The following BCAS3 variants were observed in gnomAD, a reference collection of about 807,000 sequenced individuals.
BCAS3 encodes BCAS4/BCAS3 fusion.
A neutral mutation model predicts 116.1 loss-of-function variants in BCAS3; 53 were observed. That is an observed-to-expected ratio of 0.46 (90% CI 0.37 to 0.57). The LOEUF (loss-of-function observed/expected upper bound fraction) is 0.57, where lower values mean the gene tolerates loss of function less well. Ranked by LOEUF, BCAS3 falls within the 20% of genes least tolerant of loss-of-function variation. The pLI, the probability that BCAS3 is intolerant of heterozygous loss-of-function variation, is 0.00. For missense variants in BCAS3, 917 were observed against 1,165.4 expected, an observed-to-expected ratio of 0.79 and a Z score of 3.10; for synonymous variants, 391 against 408.2, an observed-to-expected ratio of 0.96 and a Z score of 0.51.
At chr17:60,890,468 A>AT (rs1241655998) in intron 10 of BCAS3, among the ~76,000 whole-genome samples, 2 of 152,188 alleles carry the variant, frequency 1.3e-5, no homozygotes, top group Non-Finnish European at 2.9e-5. Context: ...AGGAAAAAAA[A>AT]AAAGAATAAT....
At chr17:60,738,958 A>G (rs545063208) in intron 5 of BCAS3, among the ~76,000 whole-genome samples, 1 of 151,506 alleles carries the variant, frequency 6.6e-6, no homozygotes, top group South Asian at 2.1e-4. Flanking sequence ...TATCTTTCAT[A>G]CTTTTGCTGC....
At chr17:60,805,837 A>G (rs1442360159) in intron 6 of BCAS3, among the ~76,000 whole-genome samples, 1 of 149,760 alleles carries the variant, frequency 6.7e-6, no homozygotes, top group East Asian at 1.9e-4. Flanking sequence ...TAAAAAAAAA[A>G]GAGAAGTGAC....
intron 11 of BCAS3, among the ~76,000 whole-genome samples, chr17:60,906,061 A>C (rs1023241975): frequency 2.6e-5 from 4 of 152,220 alleles, no homozygotes; most frequent in Non-Finnish European, 5.9e-5. Context: ...AGCTGCTGGC[A>C]TTCACCTATG....
chr17:61,116,531 TAGG>T (rs1216400353), intron 22 of BCAS3, among the ~76,000 whole-genome samples: 4 of 152,182 alleles, frequency 2.6e-5, no homozygotes, highest in Admixed American at 2.0e-4. Context: ...TTAGAAAACT[TAGG>T]AGGAGAAGAA....
chr17:60,904,549 G>C (rs893153008), intron 11 of BCAS3, among the ~76,000 whole-genome samples: 1 of 152,028 alleles, frequency 6.6e-6, no homozygotes, highest in Non-Finnish European at 1.5e-5. Flanking sequence ...TAACACTTTA[G>C]GGCTGGATGC....
At chr17:60,867,769 T>A (rs1360045203) in intron 7 of BCAS3, among the ~76,000 whole-genome samples, 1 of 152,186 alleles carries the variant, frequency 6.6e-6, no homozygotes, top group Non-Finnish European at 1.5e-5. Context: ...TAGTAATTAC[T>A]TTTCTTGGCT....
intron 22 of BCAS3, among the ~76,000 whole-genome samples, chr17:61,197,300 A>G (rs2080537619): frequency 6.6e-6 from 1 of 152,198 alleles, no homozygotes; most frequent in South Asian, 2.1e-4. Context: ...GCTGAAGCCA[A>G]ATTGAATGGC....
At chr17:60,861,962 T>A (rs1320889699) in intron 7 of BCAS3, among the ~76,000 whole-genome samples, 1 of 152,174 alleles carries the variant, frequency 6.6e-6, no homozygotes, top group Non-Finnish European at 1.5e-5. Context: ...TATTTGTTAA[T>A]GTCTCTGCCA....
chr17:60,997,048 C>T (rs944271794), intron 15 of BCAS3, among the ~76,000 whole-genome samples: 6 of 152,096 alleles, frequency 3.9e-5, no homozygotes, highest in Non-Finnish European at 5.9e-5. Context: ...TGGGATTAAA[C>T]GGTTCCATCT....
intron 22 of BCAS3, among the ~76,000 whole-genome samples, chr17:61,221,239 A>G (rs2082094253): frequency 6.6e-6 from 1 of 152,220 alleles, no homozygotes. Context: ...GCTCATTCTA[A>G]AGAAGATCTC....
At chr17:61,067,731 A>C (rs577216031) in intron 19 of BCAS3, among the ~76,000 whole-genome samples, 189 of 145,362 alleles carry the variant, frequency 1.3e-3, no homozygotes, top group East Asian at 0.011. Context: ...ACAAACAAAA[A>C]AAAAAAAAAA....
intron 7 of BCAS3, among the ~76,000 whole-genome samples, chr17:60,853,245 A>AT (rs1261127762): frequency 1.3e-5 from 2 of 151,810 alleles, no homozygotes; most frequent in African/African-American, 4.8e-5. Flanking sequence ...TTAAGTTGAA[A>AT]TTTTTTTTTA....
rs544579005 is a variant in BCAS3, at chr17:61,281,328, G to T, written c.2426-86999G>T. 2.0e-5 allele frequency among the ~76,000 whole-genome samples: 3 copies of T among 152,152 alleles called. No homozygotes were observed. The highest frequency in any genetic ancestry group is 4.4e-5 in the Non-Finnish European group (3 of 68,010). On this transcript the variant is annotated intron_variant, in intron 22 of 23. Coordinates refer to ENST00000407086, the MANE Select transcript of BCAS3 (RefSeq NM_017679.5). The surrounding 1 kb of genome is among the most constrained non-coding windows in gnomAD (Gnocchi z 4.2). ...TTAGGACATTTGTGTAATTTCATCTGTATAAATAGTTCTTAGAAGTAGAAT... is the reference window on the plus strand; with the variant it reads ...TTAGGACATTTGTGTAATTTCATCTTTATAAATAGTTCTTAGAAGTAGAAT...
chr17:60,810,968 A>G, intron 7 of BCAS3: 1 of 676,418 alleles, frequency 1.5e-6, no homozygotes, highest in Non-Finnish European at 2.7e-6. Context: ...GAGGAGCTGG[A>G]CAAGTACTAG....
chr17:61,138,486 G>C (rs989950580), intron 22 of BCAS3, among the ~76,000 whole-genome samples: 3 of 152,162 alleles, frequency 2.0e-5, no homozygotes, highest in African/African-American at 7.2e-5. Context: ...TTACTCTGCT[G>C]GGGGTAAATT....
intron 17 of BCAS3, among the ~76,000 whole-genome samples, chr17:61,035,582 C>CAA (rs61144658): frequency 0.14 from 9,035 of 65,044 alleles, 1,474 homozygotes; most frequent in African/African-American, 0.38. Context: ...GACTCCATCT[C>CAA]AAAAAAAAAA....
Position 61,034,196 on chromosome 17 carries a change from T to A in BCAS3, c.1638-470T>A, listed in dbSNP as rs574829971. 2.8e-4 allele frequency among the ~76,000 whole-genome samples: 42 copies of A among 152,352 alleles called. No individual in the cohort carries two copies. Among genetic ancestry groups the A allele is most frequent in the African/African-American group, 1.0e-3 (42 of 41,580 alleles). ...TATCACCTCATTTTCATCCATGCTGTCTAAATTCATTTATACTGTTAATCC... is the reference window on the plus strand; with the variant it reads ...TATCACCTCATTTTCATCCATGCTGACTAAATTCATTTATACTGTTAATCC... On this transcript the variant is annotated intron_variant, in intron 16 of 23. Coordinates refer to ENST00000407086, the MANE Select transcript of BCAS3 (RefSeq NM_017679.5). This position sits in a 1 kb window ranked among gnomAD's most constrained non-coding sequence, Gnocchi z 5.0.
intron 6 of BCAS3, among the ~76,000 whole-genome samples, chr17:60,794,048 G>A (rs564014095): frequency 6.6e-6 from 1 of 152,162 alleles, no homozygotes; most frequent in African/African-American, 2.4e-5. Context: ...TTCCCTGATC[G>A]CCGCATCCAC....
chr17:61,100,484 C>T (rs888263630), intron 22 of BCAS3, among the ~76,000 whole-genome samples: 27 of 152,276 alleles, frequency 1.8e-4, no homozygotes, highest in African/African-American at 6.5e-4. Context: ...TATTCCAACT[C>T]ACCCCCTTGA....
Sources: allele counts gnomAD v4.1 joint callset (sites outside exome capture counted in the v4.1 genomes callset), GRCh38; gene constraint gnomAD v4.1.1; non-coding constraint Gnocchi (gnomAD v3.1); transcripts MANE v1.5; gene names NCBI Gene and HGNC (gene_info 2026-07-23, HGNC 2026-07-21).